SSBP3: variants seen among roughly 807,000 people sequenced by gnomAD.
SSBP3 encodes the protein single stranded DNA binding protein 3.
Under a neutral mutation model 69.6 loss-of-function variants are expected in SSBP3, and 5 were observed. That is an observed-to-expected ratio of 0.07 (90% CI 0.04 to 0.15). The LOEUF is 0.15. SSBP3 is among the 10% of genes least tolerant of loss of function. The pLI is 1.00. For synonymous variants in SSBP3, 196 were observed against 193.4 expected (o/e 1.01, Z -0.11); for missense variants, 312 against 534.0 (o/e 0.58, Z 4.10).
intron 4 of SSBP3, among the ~76,000 whole-genome samples, chr1:54,390,554 A>G (rs1186902812): frequency 6.6e-6 from 1 of 152,216 alleles, no homozygotes; most frequent in Non-Finnish European, 1.5e-5. Context: ...TATTCCACGC[A>G]TTAGCTCGCT....
chr1:54,334,221 G>A (rs983628590), intron 4 of SSBP3, among the ~76,000 whole-genome samples: 26 of 152,008 alleles, frequency 1.7e-4, no homozygotes, highest in Non-Finnish European at 2.8e-4. Context: ...GCGTGGTGGT[G>A]CGTGCCTGTA....
chr1:54,330,500 G>A (rs1327716972), intron 4 of SSBP3, among the ~76,000 whole-genome samples: 3 of 152,116 alleles, frequency 2.0e-5, no homozygotes, highest in Non-Finnish European at 1.5e-5. Context: ...TGAATCCACC[G>A]CCTAGCAGTC....
chr1:54,242,646 G>A (rs1252865020), intron 10 of SSBP3, among the ~76,000 whole-genome samples: 4 of 152,024 alleles, frequency 2.6e-5, no homozygotes, highest in African/African-American at 4.8e-5. Flanking sequence ...TCTGTAAGGG[G>A]GTTATAATAA....
At chr1:54,315,298 T>C (rs574500628) in intron 4 of SSBP3, among the ~76,000 whole-genome samples, 2 of 152,218 alleles carry the variant, frequency 1.3e-5, no homozygotes, top group East Asian at 3.9e-4. Context: ...CCATGCCTGG[T>C]CTACCTCTGT....
chr1:54,402,004 G>A, intron 3 of SSBP3, 59 bp from the exon 4 acceptor site: 1 of 1,448,594 alleles, frequency 6.9e-7, no homozygotes, highest in Non-Finnish European at 9.7e-7. Context: ...GTACACAAGG[G>A]CAAGTGCACG....
intron 4 of SSBP3, chr1:54,287,336 G>A (rs959133340): frequency 1.3e-5 from 2 of 152,230 alleles, no homozygotes; most frequent in African/African-American, 4.8e-5. Context: ...GCAGCAGCTT[G>A]GGGGCCACAT....
rs1177730357 is a variant in SSBP3 at position 54,258,187 on chromosome 1, A to G, written c.367-38T>C. 5 of 1,469,174 alleles carry G rather than the reference A, an allele frequency of 3.4e-6. No individual in the cohort carries two copies. The highest frequency in any genetic ancestry group is 3.6e-6 in the Non-Finnish European group (4 of 1,102,586). 91.0% of individuals were successfully genotyped at this position (1,469,174 alleles called of 1,614,324 possible). On this transcript the variant is annotated intron_variant, in intron 5 of 17. Transcript: ENST00000610401. This position sits in a 1 kb window ranked among gnomAD's most constrained non-coding sequence, Gnocchi z 4.5. ...ACAGTAGAGGCAGGTTATAGATCAC[A>G]GCACATGGAGAAGCGCAGAAGCAGC...
At chr1:54,367,414 C>T (rs1261576655) in intron 4 of SSBP3, among the ~76,000 whole-genome samples, 3 of 152,134 alleles carry the variant, frequency 2.0e-5, no homozygotes, top group South Asian at 2.1e-4. Flanking sequence ...GTTTCAGGGA[C>T]GTAAAAAGCA....
rs777871964 is a variant in SSBP3, at chr1:54,289,020, CAAAA to C, written c.277-7497_277-7494del. Among the ~76,000 whole-genome samples, 4 of 43,920 alleles carry C rather than the reference CAAAA, an allele frequency of 9.1e-5. No homozygotes were observed. In the Admixed American group the frequency reaches 1.1e-3, roughly 12 times the overall value. 28.8% of individuals were successfully genotyped at this position (43,920 alleles called of 152,430 possible). The stretch of plus-strand genomic sequence containing the variant: ...GGGCGACAGAGCTAGACTCTGTCTC[CAAAA>C]AAAAAAAAAAAACAAAAAAACAAAA... On this transcript the variant is annotated intron_variant, in intron 4 of 17. Transcript: ENST00000610401.
At chr1:54,260,842 G>C (rs866189534) in intron 5 of SSBP3, among the ~76,000 whole-genome samples, 2 of 152,346 alleles carry the variant, frequency 1.3e-5, no homozygotes, top group South Asian at 2.1e-4. Context: ...TGAGGACCAG[G>C]AATCTTGGCC....
At chr1:54,407,456 G>C (rs539466541), upstream of SSBP3, among the ~76,000 whole-genome samples, 1 of 152,002 alleles carries the variant, frequency 6.6e-6, no homozygotes, top group Admixed American at 6.6e-5. Context: ...TTGAGGGGGG[G>C]GCTGGCAGAG....
intron 5 of SSBP3, among the ~76,000 whole-genome samples, chr1:54,273,699 A>G (rs1203017746): frequency 1.3e-5 from 2 of 152,222 alleles, no homozygotes; most frequent in Non-Finnish European, 2.9e-5. Flanking sequence ...CACTGGACAG[A>G]GGAGCAAGCT....
intron 4 of SSBP3, among the ~76,000 whole-genome samples, chr1:54,398,934 A>C (rs1649089743): frequency 6.6e-6 from 1 of 152,248 alleles, no homozygotes; most frequent in South Asian, 2.1e-4. Context: ...ACAGAAGGTC[A>C]GTCAACAGAC....
chr1:54,351,670 T>G (rs1646782564), intron 4 of SSBP3, among the ~76,000 whole-genome samples: 1 of 152,246 alleles, frequency 6.6e-6, no homozygotes, highest in African/African-American at 2.4e-5. Flanking sequence ...GATATTCACC[T>G]AAGACAGGGT....
At chr1:54,393,678 A>G (rs977924884) in intron 4 of SSBP3, among the ~76,000 whole-genome samples, 3 of 152,260 alleles carry the variant, frequency 2.0e-5, no homozygotes, top group African/African-American at 7.2e-5. Context: ...ACATTTATGC[A>G]GAACTTGCAC....
chr1:54,409,407 G>T (rs1649930740), upstream of SSBP3, among the ~76,000 whole-genome samples: 1 of 152,178 alleles, frequency 6.6e-6, no homozygotes. Context: ...GGGAGGGTAG[G>T]ATCTCAGTTT....
Position 54,243,426 on chromosome 1 carries a change from A to C in SSBP3, c.652-127T>G, listed in dbSNP as rs1297271014. 4.1e-6 allele frequency: 5 copies of C among 1,217,758 alleles called. No individual in the cohort carries two copies. The East Asian group carries it at 1.2e-4, about 29-fold the overall frequency. The allele number at this position is 1,217,758 out of a possible 1,614,324, so 75.4% of individuals were successfully genotyped here. ...TGAAAAGGATTGATGAGAAAAAATA[A>C]TACATTCTTTCAAAAACGGTGGGGC... On this transcript the variant is annotated intron_variant, in intron 9 of 17. Transcript: ENST00000610401.
chr1:54,383,156 C>A (rs1341207104), intron 4 of SSBP3, among the ~76,000 whole-genome samples: 1 of 151,784 alleles, frequency 6.6e-6, no homozygotes, highest in Non-Finnish European at 1.5e-5. Flanking sequence ...GGCGGATTGT[C>A]TGAGCTCAGG....
chr1:54,386,005 T>C (rs1476528650), intron 4 of SSBP3, among the ~76,000 whole-genome samples: 2 of 152,220 alleles, frequency 1.3e-5, no homozygotes, highest in Non-Finnish European at 2.9e-5. Flanking sequence ...CTTTAAATAT[T>C]GCATGTTGAA....
Sources: allele counts gnomAD v4.1 joint callset (sites outside exome capture counted in the v4.1 genomes callset), GRCh38; gene constraint gnomAD v4.1.1; non-coding constraint Gnocchi (gnomAD v3.1); transcripts MANE v1.5; gene names NCBI Gene and HGNC (gene_info 2026-07-23, HGNC 2026-07-21).